The following CNBP variants were observed in gnomAD, a reference collection of about 807,000 sequenced individuals.
CNBP encodes the protein CCHC-type zinc finger nucleic acid binding protein.
In CNBP, 6 loss-of-function variants were observed where a neutral mutation model predicts 21.2. The ratio of observed to expected loss-of-function variants is 0.28; its 90% confidence interval spans 0.16 to 0.56. The LOEUF is 0.56. Among genes scored for constraint, CNBP ranks in the 20% least tolerant of loss-of-function variants. CNBP has a pLI of 0.93. For missense variants in CNBP, 112 were observed against 233.1 expected, an observed-to-expected ratio of 0.48 and a Z score of 3.38; for synonymous variants, 61 against 74.9, an observed-to-expected ratio of 0.81 and a Z score of 0.96.
At chr3:129,170,979 A>T (rs1937557394) in intron 4 of CNBP, 100 bp downstream of exon 4, 1 of 1,252,848 alleles carries the variant, frequency 8.0e-7, no homozygotes, top group Non-Finnish European at 1.1e-6. Flanking sequence ...GTCACAGCTA[A>T]GTTTCACTGA....
At chr3:129,176,815 G>A (rs1037463587) in intron 1 of CNBP, among the ~76,000 whole-genome samples, 35 of 152,246 alleles carry the variant, frequency 2.3e-4, no homozygotes, top group African/African-American at 8.2e-4. Flanking sequence ...CATTCCCAAT[G>A]TAATTTTTTT....
Position 129,181,995 on chromosome 3 carries a change from CA to C in CNBP, c.-15+1780del, listed in dbSNP as rs1317045750. The stretch of plus-strand genomic sequence containing the variant: ...TTACAGGTGTTTGATTATCCTTAAC[CA>C]GAGTAACTCATTAGAAGCATTTAAA... On this transcript the variant is annotated intron_variant, in intron 1 of 4. Coordinates refer to ENST00000422453, the MANE Select transcript of CNBP (RefSeq NM_003418.5). Among the ~76,000 whole-genome samples the C allele has an allele frequency of 3.3e-5, 5 of 152,086 alleles. No individual in the cohort carries two copies. In the East Asian group the frequency reaches 5.8e-4, roughly 18 times the overall value.
At chr3:129,171,332 T>TA in intron 3 of CNBP, 55 bp from the exon 4 acceptor site, 1 of 1,608,232 alleles carries the variant, frequency 6.2e-7, no homozygotes, top group Admixed American at 1.7e-5. Context: ...TACAAAGTGT[T>TA]ACGTTTTAAA....
At chr3:129,174,797 G>C (rs922520864) in intron 1 of CNBP, among the ~76,000 whole-genome samples, 1 of 152,058 alleles carries the variant, frequency 6.6e-6, no homozygotes, top group Non-Finnish European at 1.5e-5. Context: ...TGATCTCAAG[G>C]AATTATTTGC....
intron 1 of CNBP, among the ~76,000 whole-genome samples, chr3:129,181,239 CAAAAAAAAAAAAAAAAAAAAAA>C (rs10587328): frequency 1.9e-5 from 1 of 53,162 alleles, no homozygotes; most frequent in South Asian, 8.8e-4. Context: ...GACTCTGTCT[CAAAAAAAAAAAAAAAAAAAAAA>C]AAAAAGACAA....
chr3:129,183,560 G>A (rs1316930287), intron 1 of CNBP, among the ~76,000 whole-genome samples: 4 of 152,244 alleles, frequency 2.6e-5, no homozygotes, highest in Non-Finnish European at 5.9e-5. Context: ...CAGCTTTCCA[G>A]GACGAAGAAA....
At chr3:129,183,390 T>C (rs1292032845) in intron 1 of CNBP, among the ~76,000 whole-genome samples, 1 of 152,118 alleles carries the variant, frequency 6.6e-6, no homozygotes. Flanking sequence ...CACGGACTCC[T>C]TCCAGTGAGT....
rs1937606824 is a variant in CNBP, at chr3:129,172,607, GA to G, written c.-14-837del. ...AGGCAGGCAGGCAGGCAGGCAGGCA[GA>G]CAGGCAGACAGGCAGCCAGGCAGGC... On this transcript the variant is annotated intron_variant, in intron 1 of 4. Transcript: ENST00000422453. Among the ~76,000 whole-genome samples the G allele has an allele frequency of 3.4e-4, 10 of 29,034 alleles. No individual in the cohort carries two copies. In the South Asian group the frequency reaches 4.2e-3, roughly 12 times the overall value. The allele number at this position is 29,034 out of a possible 152,430, so 19.0% of individuals were successfully genotyped here. A position where few individuals can be genotyped will look rare whatever the true frequency, so the allele number is the denominator to read the frequency against.
chr3:129,171,636 C>T lies in CNBP; in HGVS notation c.122G>A (p.Arg41Lys), dbSNP rs1560033115. The T allele has an allele frequency of 6.2e-7, 1 of 1,614,086 alleles. No individual in the cohort carries two copies. Among genetic ancestry groups the T allele is most frequent in the Non-Finnish European group, 8.5e-7 (1 of 1,180,030 alleles). The change falls in exon 2 of 5, where the codon AGA becomes AAA. Residue 41 changes from arginine to lysine, a missense_variant and splice_region_variant. By Grantham distance (26) the Arg-to-Lys change is conservative (BLOSUM62 2). Transcript: ENST00000422453. Reference protein sequence around the residue: ...SRGRGGFTSDRGFQFVSSSLP... With the variant: ...SRGRGGFTSDKGFQFVSSSLP... ...AATTTTTCTATTCGACAAAATACCTCTATCCGAGGTAAAACCACCTCTGCC... is the reference window on the plus strand; with the variant it reads ...AATTTTTCTATTCGACAAAATACCTTTATCCGAGGTAAAACCACCTCTGCC...
At chr3:129,172,624 C>CCAGG (rs869112917) in intron 1 of CNBP, among the ~76,000 whole-genome samples, 28 of 56,278 alleles carry the variant, frequency 5.0e-4, no homozygotes, top group Admixed American at 5.3e-4. Flanking sequence ...AGACAGGCAG[C>CCAGG]CAGGCAGGCA....
At position 129,171,081 on chromosome 3, in the gene CNBP, A is replaced by G. The variant is rs1937559291; in HGVS notation, c.414T>C (p.Tyr138=). ...IQKDCTKVKC[Y]RCGETGHVAI... is the part of the protein sequence containing the mutation. ...CTAACAACATTCTGACACCTTACCT[A>G]TAGCACTTCACTTTGGTGCAGTCTT... Residue 138 remains tyrosine (Y), a splice_region_variant and synonymous_variant, in exon 4 of 5, where the codon TAT becomes TAC. Transcript: ENST00000422453. 1 of 1,612,690 alleles carries G rather than the reference A, an allele frequency of 6.2e-7. No homozygotes were observed. Among genetic ancestry groups the G allele is most frequent in the Admixed American group, 1.7e-5 (1 of 60,000 alleles).
At chr3:129,171,898 A>G (rs1937576068) in intron 1 of CNBP, 127 bp from the exon 2 acceptor site, 6 of 1,077,420 alleles carry the variant, frequency 5.6e-6, no homozygotes, top group Non-Finnish European at 7.9e-6. Flanking sequence ...TTAAAAAAAT[A>G]GCTGGGCATG....
intron 1 of CNBP, among the ~76,000 whole-genome samples, chr3:129,176,215 G>C (rs1272621286): frequency 1.3e-5 from 2 of 152,218 alleles, no homozygotes; most frequent in Admixed American, 6.5e-5. Context: ...ACTGCTCCTG[G>C]CTGGAATTTC....
intron 1 of CNBP, among the ~76,000 whole-genome samples, chr3:129,172,592 G>C (rs1026313285): frequency 2.4e-4 from 7 of 29,716 alleles, no homozygotes; most frequent in East Asian, 1.3e-3. Flanking sequence ...AGGCAGGCAG[G>C]CAGGCAGGCA....
chr3:129,181,758 AAG>A (rs1419302738), intron 1 of CNBP, among the ~76,000 whole-genome samples: 4 of 152,146 alleles, frequency 2.6e-5, no homozygotes, highest in Non-Finnish European at 4.4e-5. Context: ...TATGAAAAAA[AAG>A]AGGACCTTTG....
rs1213717955 is a variant in CNBP at position 129,169,896 on chromosome 3, G to T, written c.*557C>A. Reference sequence around the variant, plus strand: ...CCAACATCAACACTGTGATGAAGTTGTTCCTGTTTAGGCTTTTATTCCGAT... The same window carrying T: ...CCAACATCAACACTGTGATGAAGTTTTTCCTGTTTAGGCTTTTATTCCGAT... On this transcript the variant is annotated 3_prime_UTR_variant, in exon 5 of 5. Coordinates refer to ENST00000422453, the MANE Select transcript of CNBP (RefSeq NM_003418.5). 1 of 230,544 alleles carries T rather than the reference G, an allele frequency of 4.3e-6. No homozygotes were observed. The highest frequency in any genetic ancestry group is 8.6e-6 in the Non-Finnish European group (1 of 116,278). 14.3% of individuals were successfully genotyped at this position (230,544 alleles called of 1,614,324 possible).
chr3:129,174,588 C>T (rs1053811262), intron 1 of CNBP, among the ~76,000 whole-genome samples: 1 of 151,034 alleles, frequency 6.6e-6, no homozygotes, highest in South Asian at 2.1e-4. Flanking sequence ...TCTCTTGAAC[C>T]CGGGAGGTGG....
chr3:129,168,747 G>C lies in CNBP; in HGVS notation c.*1706C>G, dbSNP rs1042110701. Among the ~76,000 whole-genome samples, 8 of 151,924 alleles carry C rather than the reference G, an allele frequency of 5.3e-5. No individual in the cohort carries two copies. The highest frequency in any genetic ancestry group is 1.0e-4 in the Non-Finnish European group (7 of 67,980). On this transcript the variant is annotated 3_prime_UTR_variant, in exon 5 of 5. Transcript: ENST00000422453. ...GGGGCGGGGCAGGTGGATCACCTGAGGTCAGGAGTTGGAGACCAGCCCGAC... is the reference window on the plus strand; with the variant it reads ...GGGGCGGGGCAGGTGGATCACCTGACGTCAGGAGTTGGAGACCAGCCCGAC...
At chr3:129,180,957 T>A (rs977932874) in intron 1 of CNBP, among the ~76,000 whole-genome samples, 1 of 151,960 alleles carries the variant, frequency 6.6e-6, no homozygotes, top group South Asian at 2.1e-4. Flanking sequence ...GTAGAATTGT[T>A]GGCAAGGCAC....
Sources: gnomAD v4.1 joint callset for allele counts (sites outside exome capture counted in the v4.1 genomes callset) on GRCh38, gnomAD v4.1.1 for gene constraint, MANE v1.5 for transcripts, NCBI Gene and HGNC (gene_info 2026-07-23, HGNC 2026-07-21) for gene names.